AGO2: variants seen among roughly 807,000 people sequenced by gnomAD.
AGO2 encodes the protein protein argonaute-2.
A neutral mutation model predicts 102.3 loss-of-function variants in AGO2; 5 were observed. The ratio of observed to expected loss-of-function variants is 0.05; its 90% CI spans 0.03 to 0.10. The LOEUF (loss-of-function observed/expected upper bound fraction) is 0.10, where lower values mean the gene tolerates loss of function less well. AGO2 is among the 10% of genes least tolerant of loss of function. The probability of loss-of-function intolerance (pLI) is 1.00; values close to 1 mark genes in which losing one functional copy is unlikely to be tolerated. For synonymous variants in AGO2, 449 were observed against 473.1 expected, an observed-to-expected ratio of 0.95 and a Z score of 0.66; for missense variants, 541 against 1,183.7, an observed-to-expected ratio of 0.46 and a Z score of 7.97.
chr8:140,539,504 G>T lies in AGO2; in HGVS notation c.2035-50C>A. 1.3e-6 allele frequency: 2 copies of T among 1,572,114 alleles called. No individual in the cohort carries two copies. The highest frequency in any genetic ancestry group is 1.2e-5 in the South Asian group (1 of 85,668). Reference sequence around the variant, plus strand: ...TGTGCTTAAAGATGGTAGTGCATGTGAGCAACGGTCCCACGTGCGGGTTCT... The same window carrying T: ...TGTGCTTAAAGATGGTAGTGCATGTTAGCAACGGTCCCACGTGCGGGTTCT... On this transcript the variant is annotated intron_variant, in intron 15 of 18. Transcript: ENST00000220592. The surrounding 1 kb of genome is among the most constrained non-coding windows in gnomAD (Gnocchi z 4.7).
intron 3 of AGO2, 30 bp from the exon 4 acceptor site, chr8:140,562,664 TCCCTCCTGCGAAGCCCCAGGGAGGACG>T: frequency 6.2e-7 from 1 of 1,603,068 alleles, no homozygotes; most frequent in African/African-American, 1.3e-5. Flanking sequence ...ACAAGGTTAC[TCCCTCCTGCGAAGCCCCAGGGAGGACG>T]CAGCCTGGCA....
chr8:140,552,155 T>A (rs1354904071), intron 10 of AGO2, among the ~76,000 whole-genome samples: 1 of 152,212 alleles, frequency 6.6e-6, no homozygotes, highest in African/African-American at 2.4e-5. Flanking sequence ...TCATTTCCCC[T>A]CCTCTATCAC....
chr8:140,560,189 C>T (rs568608488), intron 5 of AGO2, among the ~76,000 whole-genome samples, 185 bp downstream of exon 5: 1 of 152,362 alleles, frequency 6.6e-6, no homozygotes, highest in South Asian at 2.1e-4. Flanking sequence ...TTCACGCTGG[C>T]CTGAGAGCCA....
intron 8 of AGO2, among the ~76,000 whole-genome samples, chr8:140,556,576 G>A (rs913334043): frequency 6.6e-6 from 1 of 152,112 alleles, no homozygotes; most frequent in Non-Finnish European, 1.5e-5. Flanking sequence ...CGGCACTTCT[G>A]GGCTCTCTCC....
intron 1 of AGO2, among the ~76,000 whole-genome samples, chr8:140,635,196 G>T (rs1195574741): frequency 6.8e-6 from 1 of 146,296 alleles, no homozygotes; most frequent in Non-Finnish European, 1.5e-5. Flanking sequence ...TGGGACGCGG[G>T]CCCGAGGCGC....
intron 2 of AGO2, among the ~76,000 whole-genome samples, chr8:140,582,614 C>G (rs1490754991): frequency 6.6e-6 from 1 of 152,136 alleles, no homozygotes; most frequent in Non-Finnish European, 1.5e-5. Context: ...AGACCCTTAC[C>G]TCACAACATA....
At chr8:140,581,441 C>A (rs889472456) in intron 2 of AGO2, among the ~76,000 whole-genome samples, 1 of 152,158 alleles carries the variant, frequency 6.6e-6, no homozygotes, top group African/African-American at 2.4e-5. Context: ...ATCGCTTGAA[C>A]CCAGGAGGTG....
At chr8:140,623,491 G>C (rs1258049523) in intron 1 of AGO2, among the ~76,000 whole-genome samples, 1 of 152,198 alleles carries the variant, frequency 6.6e-6, no homozygotes. Flanking sequence ...CACACAGGGA[G>C]GCAGTCAGCC....
chr8:140,585,341 G>C (rs375136677), intron 1 of AGO2, 30 bp from the exon 2 acceptor site: 1 of 1,606,910 alleles, frequency 6.2e-7, no homozygotes, highest in Non-Finnish European at 8.5e-7. Flanking sequence ...ACCCATTAAC[G>C]GGGGAGCAGG....
At chr8:140,607,828 G>T (rs939152447) in intron 1 of AGO2, among the ~76,000 whole-genome samples, 1 of 152,102 alleles carries the variant, frequency 6.6e-6, no homozygotes, top group African/African-American at 2.4e-5. Flanking sequence ...TTCTGTTCCA[G>T]GCGATGGAAA....
chr8:140,590,093 G>A (rs944215144), intron 1 of AGO2, among the ~76,000 whole-genome samples: 11 of 152,162 alleles, frequency 7.2e-5, no homozygotes, highest in Admixed American at 7.2e-4. Context: ...TGCCAGGCCC[G>A]GGCCACCAAT....
rs1336763969 is a variant in AGO2 at position 140,619,078 on chromosome 8, T to C, written c.22+16407A>G. ...GAGAGCAGCTGCTGGCTCCTTATCC[T>C]GGTGGCAGCCGCGGCCTTATCTCTG... On this transcript the variant is annotated intron_variant, in intron 1 of 18. Transcript: ENST00000220592. Among the ~76,000 whole-genome samples the C allele has an allele frequency of 3.3e-5, 5 of 150,098 alleles. No individual in the cohort carries two copies. The Admixed American group carries it at 3.4e-4, about 10-fold the overall frequency.
chr8:140,571,220 T>C (rs1206115184), intron 3 of AGO2, among the ~76,000 whole-genome samples: 1 of 152,190 alleles, frequency 6.6e-6, no homozygotes, highest in African/African-American at 2.4e-5. Context: ...CAGAGCCCTA[T>C]ATCGTAACTC....
At chr8:140,597,465 G>GCCCCCC (rs1564108147) in intron 1 of AGO2, among the ~76,000 whole-genome samples, 3 of 79,284 alleles carry the variant, frequency 3.8e-5, no homozygotes, top group African/African-American at 1.5e-4. Context: ...GGGGCTGGGT[G>GCCCCCC]GCCCCCCCAC....
Position 140,546,571 on chromosome 8 carries a change from G to A in AGO2, c.1748+897C>T, listed in dbSNP as rs183016515. Among the ~76,000 whole-genome samples the A allele has an allele frequency of 1.5e-3, 226 of 152,302 alleles. 5 individuals carry two copies. The highest frequency in any genetic ancestry group is 0.013 in the Admixed American group (203 of 15,300). On this transcript the variant is annotated intron_variant, in intron 13 of 18. Coordinates refer to ENST00000220592, the MANE Select transcript of AGO2 (RefSeq NM_012154.5). Reference sequence around the variant, plus strand: ...GATTTAGGATTCTTAACTCTGTGACGGCGTGCCAGTGATGCAGATTTAGCG... The same window carrying A: ...GATTTAGGATTCTTAACTCTGTGACAGCGTGCCAGTGATGCAGATTTAGCG...
At position 140,540,588 on chromosome 8, in the gene AGO2, G is replaced by A. The variant is rs964996180; in HGVS notation, c.2034+576C>T. On this transcript the variant is annotated intron_variant, in intron 15 of 18. Coordinates refer to ENST00000220592, the MANE Select transcript of AGO2 (RefSeq NM_012154.5). This position sits in a 1 kb window ranked among gnomAD's most constrained non-coding sequence, Gnocchi z 5.0. Reference sequence around the variant, plus strand: ...TGTGCTCTCAACCAAAGACAGCAACGAAACTCCCCTCACCCCTCTGTGATG... The same window carrying A: ...TGTGCTCTCAACCAAAGACAGCAACAAAACTCCCCTCACCCCTCTGTGATG... 7.2e-5 allele frequency among the ~76,000 whole-genome samples: 11 copies of A among 152,128 alleles called. No homozygotes were observed. Among genetic ancestry groups the A allele is most frequent in the African/African-American group, 2.7e-4 (11 of 41,434 alleles).
At chr8:140,631,778 C>T (rs1244252575) in intron 1 of AGO2, among the ~76,000 whole-genome samples, 2 of 152,152 alleles carry the variant, frequency 1.3e-5, no homozygotes, top group Non-Finnish European at 2.9e-5. Context: ...GTCTCCATTG[C>T]TTTAGACACG....
chr8:140,559,171 A>G (rs1003701320), intron 6 of AGO2, among the ~76,000 whole-genome samples: 1 of 151,984 alleles, frequency 6.6e-6, no homozygotes, highest in Admixed American at 6.6e-5. Context: ...TGACTCCCCA[A>G]CCTCATCCTC....
chr8:140,549,908 G>A (rs115820592), intron 11 of AGO2, among the ~76,000 whole-genome samples: 10 of 152,324 alleles, frequency 6.6e-5, no homozygotes, highest in Admixed American at 2.0e-4. Context: ...ATTTTAAGCC[G>A]AAGACTAAGA....
Sources: gnomAD v4.1 joint callset for allele counts (sites outside exome capture counted in the v4.1 genomes callset) on GRCh38, gnomAD v4.1.1 for gene constraint, Gnocchi (gnomAD v3.1) non-coding constraint, MANE v1.5 for transcripts, NCBI Gene and HGNC (gene_info 2026-07-23, HGNC 2026-07-21) for gene names.